The following MARK1 variants were observed in gnomAD, a reference collection of about 807,000 sequenced individuals.
MARK1 encodes the protein serine/threonine-protein kinase MARK1.
In MARK1, 40 loss-of-function variants were observed where a neutral mutation model predicts 96.3. The ratio of observed to expected loss-of-function variants is 0.42; its 90% confidence interval spans 0.32 to 0.54. MARK1 has a LOEUF of 0.54. Among genes scored for constraint, MARK1 ranks in the 20% least tolerant of loss-of-function variants. The pLI, the probability that MARK1 is intolerant of heterozygous loss-of-function variation, is 0.16. For synonymous variants in MARK1, 317 were observed against 341.2 expected (o/e 0.93, Z 0.78); for missense variants, 719 against 984.6 (o/e 0.73, Z 3.61).
At chr1:220,556,433 A>C (rs1662250184) in intron 1 of MARK1, among the ~76,000 whole-genome samples, 2 of 151,538 alleles carry the variant, frequency 1.3e-5, no homozygotes, top group Admixed American at 1.3e-4. Context: ...GAAACAAGTG[A>C]AAAAGTGCTT....
At chr1:220,562,598 A>C (rs1662749998) in intron 1 of MARK1, among the ~76,000 whole-genome samples, 1 of 152,210 alleles carries the variant, frequency 6.6e-6, no homozygotes, top group Non-Finnish European at 1.5e-5. Context: ...TACCATTTAC[A>C]AACTCCCACC....
intron 17 of MARK1, among the ~76,000 whole-genome samples, chr1:220,660,644 A>G (rs1175226121): frequency 4.6e-5 from 7 of 152,324 alleles, no homozygotes; most frequent in East Asian, 3.9e-4. Flanking sequence ...GATTTTCTGT[A>G]TCACGAATAA....
At chr1:220,608,188 C>T (rs1666204927) in intron 6 of MARK1, among the ~76,000 whole-genome samples, 2 of 152,242 alleles carry the variant, frequency 1.3e-5, no homozygotes, top group Admixed American at 6.5e-5. Flanking sequence ...TGGTCCCGGA[C>T]TTTTTTTGGT....
At chr1:220,530,325 T>C (rs1025547908) in intron 1 of MARK1, among the ~76,000 whole-genome samples, 1 of 152,178 alleles carries the variant, frequency 6.6e-6, no homozygotes, top group African/African-American at 2.4e-5. Context: ...ATAATTTTGA[T>C]TGAGAGATTG....
At chr1:220,567,519 C>G (rs1367779259) in intron 1 of MARK1, among the ~76,000 whole-genome samples, 1 of 152,112 alleles carries the variant, frequency 6.6e-6, no homozygotes, top group East Asian at 1.9e-4. Flanking sequence ...TCTTCCGATT[C>G]CTGAAGAGAT....
At chr1:220,568,823 C>T (rs1663239296) in intron 1 of MARK1, among the ~76,000 whole-genome samples, 1 of 152,104 alleles carries the variant, frequency 6.6e-6, no homozygotes, top group Non-Finnish European at 1.5e-5. Flanking sequence ...GGACTTTGTG[C>T]TTGCTTCTGT....
intron 13 of MARK1, among the ~76,000 whole-genome samples, chr1:220,648,788 G>C (rs962683942): frequency 6.6e-6 from 1 of 152,178 alleles, no homozygotes. Flanking sequence ...CCCATGGGGT[G>C]ATTTTACAGC....
At chr1:220,631,159 G>C in intron 10 of MARK1, 25 bp downstream of exon 10, 7 of 1,524,004 alleles carry the variant, frequency 4.6e-6, no homozygotes, top group Non-Finnish European at 6.4e-6. Flanking sequence ...ATGGTAAGAA[G>C]TGCTGTCCCT....
chr1:220,586,617 T>C (rs1664646353), intron 3 of MARK1, among the ~76,000 whole-genome samples: 1 of 151,968 alleles, frequency 6.6e-6, no homozygotes, highest in South Asian at 2.1e-4. Context: ...CAAAAACCTC[T>C]GTCCTAATTG....
At chr1:220,534,209 G>A (rs1660523442) in intron 1 of MARK1, among the ~76,000 whole-genome samples, 1 of 151,842 alleles carries the variant, frequency 6.6e-6, no homozygotes, top group East Asian at 1.9e-4. Context: ...TATTTTGGGG[G>A]TATATGTGTT....
intron 3 of MARK1, among the ~76,000 whole-genome samples, chr1:220,588,629 C>G (rs1040912002): frequency 6.6e-6 from 1 of 152,112 alleles, no homozygotes; most frequent in Admixed American, 6.5e-5. Flanking sequence ...TACTTGACAT[C>G]CCAATGAGAT....
At chr1:220,540,613 C>T (rs1364329536) in intron 1 of MARK1, among the ~76,000 whole-genome samples, 1 of 152,084 alleles carries the variant, frequency 6.6e-6, no homozygotes, top group Non-Finnish European at 1.5e-5. Context: ...TCTATGTTAT[C>T]TGATTTGTTG....
At position 220,528,215 on chromosome 1, in the gene MARK1, C is replaced by T. The variant is rs1660038098; in HGVS notation, c.-608C>T. On this transcript the variant is annotated 5_prime_UTR_variant, in exon 1 of 18. Transcript: ENST00000366917. ...CGCGCGCAGCCGGCTCGGGCCGCTC[C>T]TCCTGACTGAGGCGCGGCGGCGGCG... 6.6e-6 allele frequency: 1 copy of T among 150,514 alleles called. No homozygotes were observed. Among genetic ancestry groups the T allele is most frequent in the Admixed American group, 6.6e-5 (1 of 15,136 alleles). The allele number at this position is 150,514 out of a possible 1,614,324, so 9.3% of individuals were successfully genotyped here.
chr1:220,599,285 AATCTT>A (rs1333421407), intron 4 of MARK1, among the ~76,000 whole-genome samples: 1 of 152,148 alleles, frequency 6.6e-6, no homozygotes, highest in African/African-American at 2.4e-5. Flanking sequence ...CACATTTAAA[AATCTT>A]ATCTGTATAT....
At chr1:220,657,625 G>T (rs1669245472) in intron 16 of MARK1, among the ~76,000 whole-genome samples, 165 bp from the exon 17 acceptor site, 1 of 152,198 alleles carries the variant, frequency 6.6e-6, no homozygotes, top group Admixed American at 6.5e-5. Context: ...ATTACATGCG[G>T]TTATGGTGAA....
At chr1:220,659,028 G>C (rs576493214) in intron 17 of MARK1, among the ~76,000 whole-genome samples, 4 of 152,190 alleles carry the variant, frequency 2.6e-5, no homozygotes, top group South Asian at 4.2e-4. Context: ...ATTTAGTAGT[G>C]TGTGGCATTG....
At chr1:220,659,102 T>C (rs1211994366) in intron 17 of MARK1, among the ~76,000 whole-genome samples, 1 of 152,228 alleles carries the variant, frequency 6.6e-6, no homozygotes, top group African/African-American at 2.4e-5. Flanking sequence ...TATTACATTA[T>C]AAGAATTAGT....
At chr1:220,651,751 G>T (rs978545480) in intron 14 of MARK1, among the ~76,000 whole-genome samples, 1 of 152,070 alleles carries the variant, frequency 6.6e-6, no homozygotes, top group Non-Finnish European at 1.5e-5. Context: ...TACATAGTGT[G>T]TGTGAGATTT....
intron 1 of MARK1, chr1:220,576,688 T>C (rs1663874789): frequency 1.3e-5 from 2 of 152,232 alleles, no homozygotes; most frequent in African/African-American, 4.8e-5. Context: ...GAAGTCATTC[T>C]ATAAGGGTAC....
Sources: gnomAD v4.1 joint callset for allele counts (sites outside exome capture counted in the v4.1 genomes callset) on GRCh38, gnomAD v4.1.1 for gene constraint, MANE v1.5 for transcripts, NCBI Gene and HGNC (gene_info 2026-07-23, HGNC 2026-07-21) for gene names.